The following UVRAG variants were observed in gnomAD, a reference collection of about 807,000 sequenced individuals.
UVRAG encodes UV radiation resistance associated.
In UVRAG, 19 loss-of-function variants were observed where a neutral mutation model predicts 78.0. The ratio of observed to expected loss-of-function variants is 0.24; its 90% CI spans 0.17 to 0.36. UVRAG has a LOEUF of 0.36. UVRAG is among the 10% of genes least tolerant of loss of function. UVRAG has a pLI of 1.00. For synonymous variants in UVRAG, 323 were observed against 324.6 expected, an observed-to-expected ratio of 1.00 and a Z score of 0.05; for missense variants, 740 against 853.8, an observed-to-expected ratio of 0.87 and a Z score of 1.66.
At chr11:76,086,804 A>G (rs1951596173) in intron 13 of UVRAG, among the ~76,000 whole-genome samples, 1 of 152,342 alleles carries the variant, frequency 6.6e-6, no homozygotes, top group South Asian at 2.1e-4. Context: ...ATATATGGCA[A>G]CAGGCATTAT....
At chr11:76,008,744 T>G in intron 10 of UVRAG, 63 bp from the exon 11 acceptor site, 15 of 942,522 alleles carry the variant, frequency 1.6e-5, no homozygotes, top group Non-Finnish European at 2.4e-5. Context: ...CCTGCTGATC[T>G]GAGATTTAAC....
chr11:76,011,437 G>A (rs542443195), intron 11 of UVRAG, among the ~76,000 whole-genome samples: 3 of 152,208 alleles, frequency 2.0e-5, no homozygotes, highest in Admixed American at 1.3e-4. Flanking sequence ...CAGCCTGACC[G>A]ATATGGTGAA....
At chr11:75,881,990 A>G (rs142056132) in intron 4 of UVRAG, among the ~76,000 whole-genome samples, 3 of 152,322 alleles carry the variant, frequency 2.0e-5, no homozygotes, top group African/African-American at 4.8e-5. Flanking sequence ...CCTATACTGC[A>G]CTGGTATATA....
chr11:75,891,131 A>G (rs974245465), intron 5 of UVRAG, among the ~76,000 whole-genome samples: 4 of 152,106 alleles, frequency 2.6e-5, no homozygotes, highest in Non-Finnish European at 4.4e-5. Context: ...TCCTATATCA[A>G]CATACTATGT....
chr11:76,112,672 GT>G (rs760618121), intron 13 of UVRAG, among the ~76,000 whole-genome samples: 9 of 151,980 alleles, frequency 5.9e-5, no homozygotes, highest in Non-Finnish European at 1.3e-4. Context: ...ATTTTATGGT[GT>G]GTTTAGTTAG....
intron 6 of UVRAG, among the ~76,000 whole-genome samples, chr11:75,921,055 A>T (rs903894711): frequency 6.6e-6 from 1 of 152,178 alleles, no homozygotes; most frequent in East Asian, 1.9e-4. Context: ...ACACATATAT[A>T]ACCTTGTTTT....
At chr11:75,880,263 C>T (rs1327779963) in intron 4 of UVRAG, among the ~76,000 whole-genome samples, 1 of 152,126 alleles carries the variant, frequency 6.6e-6, no homozygotes, top group Admixed American at 6.5e-5. Flanking sequence ...TAACAAACAC[C>T]TTTGTCTGAA....
At chr11:76,051,093 C>G (rs965714449) in intron 12 of UVRAG, among the ~76,000 whole-genome samples, 1 of 152,112 alleles carries the variant, frequency 6.6e-6, no homozygotes, top group African/African-American at 2.4e-5. Context: ...TGTCCTGATA[C>G]GTTTAAGCAA....
intron 13 of UVRAG, among the ~76,000 whole-genome samples, chr11:76,080,451 C>T (rs1471964929): frequency 6.6e-6 from 1 of 152,022 alleles, no homozygotes; most frequent in Admixed American, 6.6e-5. Context: ...GATAATCCTT[C>T]TACTTACCTT....
chr11:76,080,635 G>C (rs1951477945), intron 13 of UVRAG, among the ~76,000 whole-genome samples: 1 of 151,976 alleles, frequency 6.6e-6, no homozygotes, highest in Non-Finnish European at 1.5e-5. Context: ...TAATCTATTC[G>C]TTAGTACGTT....
chr11:75,881,214 A>T (rs1946937107), intron 4 of UVRAG, among the ~76,000 whole-genome samples: 1 of 152,250 alleles, frequency 6.6e-6, no homozygotes, highest in Non-Finnish European at 1.5e-5. Flanking sequence ...TATTTTGCCA[A>T]GATAGGATGT....
chr11:75,913,397 A>G (rs1004196055), intron 6 of UVRAG, among the ~76,000 whole-genome samples: 1 of 152,318 alleles, frequency 6.6e-6, no homozygotes, highest in Non-Finnish European at 1.5e-5. Context: ...CTGAAGAAAG[A>G]CTGTTGGATC....
At chr11:75,869,940 A>C (rs1191713608) in intron 3 of UVRAG, among the ~76,000 whole-genome samples, 3 of 152,238 alleles carry the variant, frequency 2.0e-5, no homozygotes, top group African/African-American at 7.2e-5. Flanking sequence ...TGTGGTAGAC[A>C]GTGAACTTTT....
chr11:76,135,724 G>A (rs543167904), intron 14 of UVRAG, among the ~76,000 whole-genome samples: 2 of 152,210 alleles, frequency 1.3e-5, no homozygotes, highest in Non-Finnish European at 2.9e-5. Flanking sequence ...GAAATGGCTG[G>A]TGAGGAGAAT....
intron 1 of UVRAG, among the ~76,000 whole-genome samples, chr11:75,840,325 A>C (rs1335813772): frequency 6.6e-6 from 1 of 152,074 alleles, no homozygotes; most frequent in African/African-American, 2.4e-5. Context: ...AGAAAGAAGG[A>C]AATGAGGGGT....
At chr11:75,985,524 AC>A (rs1949483764) in intron 8 of UVRAG, among the ~76,000 whole-genome samples, 1 of 152,070 alleles carries the variant, frequency 6.6e-6, no homozygotes, top group African/African-American at 2.4e-5. Flanking sequence ...CTTTAATGAT[AC>A]CTTTAAATGA....
At chr11:76,074,884 A>G (rs889430699) in intron 13 of UVRAG, among the ~76,000 whole-genome samples, 3 of 152,102 alleles carry the variant, frequency 2.0e-5, no homozygotes, top group African/African-American at 4.8e-5. Context: ...CTTTTACCCT[A>G]TTACTTCTCT....
chr11:75,960,942 CT>C (rs1369952654), intron 6 of UVRAG, among the ~76,000 whole-genome samples: 10 of 152,220 alleles, frequency 6.6e-5, no homozygotes, highest in Admixed American at 5.2e-4. Flanking sequence ...ATTACTTTGT[CT>C]TTTCTATCAT....
chr11:75,824,093 G>C (rs918461762), intron 1 of UVRAG, among the ~76,000 whole-genome samples: 4 of 151,834 alleles, frequency 2.6e-5, no homozygotes, highest in Non-Finnish European at 5.9e-5. Context: ...TGGCAAGGCC[G>C]TTCATCTTAT....
Sources: allele counts gnomAD v4.1 joint callset (sites outside exome capture counted in the v4.1 genomes callset), GRCh38; gene constraint gnomAD v4.1.1; transcripts MANE v1.5; gene names NCBI Gene and HGNC (gene_info 2026-07-23, HGNC 2026-07-21).